Variants in AVEN observed in about 807,000 individuals in gnomAD.
The protein encoded by AVEN is cell death regulator Aven.
AVEN carries 41 observed loss-of-function variants against 38.1 expected under a neutral mutation model. The ratio of observed to expected loss-of-function variants is 1.08; its 90% CI spans 0.84 to 1.40. AVEN has a LOEUF of 1.40. AVEN is among the 40% of genes most tolerant of loss of function. The pLI is 0.00. For synonymous variants in AVEN, 206 were observed against 171.8 expected (o/e 1.20, Z -1.56); for missense variants, 605 against 438.8 (o/e 1.38, Z -3.38).
At chr15:33,892,683 G>C (rs1331696965) in intron 2 of AVEN, among the ~76,000 whole-genome samples, 1 of 151,984 alleles carries the variant, frequency 6.6e-6, no homozygotes. Context: ...TTTTTACTTA[G>C]AATTGTCTTG....
intron 5 of AVEN, among the ~76,000 whole-genome samples, chr15:34,048,043 G>C (rs1899781464): frequency 7.4e-6 from 1 of 134,482 alleles, no homozygotes; most frequent in Non-Finnish European, 1.5e-5. Context: ...GTGTTTGTGT[G>C]TGTGTGTGTT....
intron 1 of AVEN, among the ~76,000 whole-genome samples, chr15:34,029,769 T>C (rs1898683318): frequency 6.6e-6 from 1 of 152,184 alleles, no homozygotes; most frequent in African/African-American, 2.4e-5. Context: ...TGAAGTGTAA[T>C]GTATCTGTAA....
downstream of AVEN, chr15:33,864,278 C>CATGGCCCCATTAATCCCGTGA (rs1287052702): frequency 2.5e-4 from 249 of 988,826 alleles, no homozygotes; most frequent in Middle Eastern, 1.5e-3. Flanking sequence ...GAAATACATA[C>CATGGCCCCATTAATCCCGTGA]ATGGCCCCAT....
At chr15:33,858,885 C>T (rs1294881971) in exon 12 of AVEN, 1 of 152,456 alleles carries the variant, frequency 6.6e-6, no homozygotes, top group Non-Finnish European at 1.5e-5. Flanking sequence ...TGACGAAAAA[C>T]TCTCCATGTG....
At chr15:33,879,402 T>C (rs1891387433) in intron 2 of AVEN, among the ~76,000 whole-genome samples, 1 of 80,394 alleles carries the variant, frequency 1.2e-5, no homozygotes, top group Non-Finnish European at 2.3e-5. Flanking sequence ...GGGACTGTTG[T>C]GGGGTGGGGG....
At chr15:33,963,934 G>A (rs1018727128) in intron 2 of AVEN, among the ~76,000 whole-genome samples, 2 of 151,884 alleles carry the variant, frequency 1.3e-5, no homozygotes, top group African/African-American at 4.8e-5. Flanking sequence ...GAATGATCTC[G>A]CTACAGAGAG....
At chr15:33,938,450 G>A (rs551210347) in intron 2 of AVEN, among the ~76,000 whole-genome samples, 103 of 151,742 alleles carry the variant, frequency 6.8e-4, no homozygotes, top group African/African-American at 2.2e-3. Flanking sequence ...GCAAGACTCC[G>A]TCTTGAAAAA....
chr15:34,000,539 A>G (rs1897098503), intron 2 of AVEN, among the ~76,000 whole-genome samples: 1 of 152,194 alleles, frequency 6.6e-6, no homozygotes, highest in Non-Finnish European at 1.5e-5. Flanking sequence ...GGAACCAACA[A>G]TATTTTTTCT....
intron 1 of AVEN, among the ~76,000 whole-genome samples, chr15:34,030,407 G>A (rs570104642): frequency 1.2e-4 from 18 of 151,522 alleles, no homozygotes; most frequent in South Asian, 8.4e-4. Context: ...GTGCAGTGGC[G>A]CAATCTCGCT....
intron 1 of AVEN, among the ~76,000 whole-genome samples, chr15:34,014,854 C>CTTTT (rs986980115): frequency 1.3e-5 from 2 of 152,156 alleles, no homozygotes. Flanking sequence ...CCAGACAAAA[C>CTTTT]TCCACTCTGA....
chr15:34,000,999 G>A lies in AVEN; in HGVS notation c.445+2033C>T, dbSNP rs868575532. Among the ~76,000 whole-genome samples, 13 of 151,568 alleles carry A rather than the reference G, an allele frequency of 8.6e-5. 1 individual carries two copies. The South Asian group carries it at 1.9e-3, about 22-fold the overall frequency. On this transcript the variant is annotated intron_variant, in intron 2 of 5. Transcript: ENST00000306730. ...ACCAAAATCATAAACCAGAGGACAGGCCTGCTAGGTTGGACTAGAATTTTT... is the reference window on the plus strand; with the variant it reads ...ACCAAAATCATAAACCAGAGGACAGACCTGCTAGGTTGGACTAGAATTTTT...
intron 2 of AVEN, among the ~76,000 whole-genome samples, chr15:33,985,618 C>A (rs1896403009): frequency 6.6e-6 from 1 of 151,974 alleles, no homozygotes; most frequent in Non-Finnish European, 1.5e-5. Context: ...GCTCTCCCAA[C>A]AATATTCTGA....
intron 2 of AVEN, among the ~76,000 whole-genome samples, chr15:33,943,445 G>A (rs1894391314): frequency 6.6e-6 from 1 of 152,176 alleles, no homozygotes; most frequent in Non-Finnish European, 1.5e-5. Flanking sequence ...GGCTGTCAGG[G>A]GCTGGGAGGG....
chr15:34,027,302 G>T (rs148672277), intron 1 of AVEN, among the ~76,000 whole-genome samples: 1 of 152,062 alleles, frequency 6.6e-6, no homozygotes, highest in East Asian at 1.9e-4. Flanking sequence ...ATCACCTGAG[G>T]TCAGGAGTTC....
intron 2 of AVEN, among the ~76,000 whole-genome samples, chr15:33,877,353 G>T (rs1394399105): frequency 6.6e-6 from 1 of 152,118 alleles, no homozygotes; most frequent in African/African-American, 2.4e-5. Flanking sequence ...GAATTAAAAG[G>T]CATCAACACT....
intron 1 of AVEN, among the ~76,000 whole-genome samples, chr15:34,007,822 A>G (rs370233270): frequency 8.6e-4 from 131 of 152,230 alleles, no homozygotes; most frequent in African/African-American, 3.0e-3. Flanking sequence ...TCTGAGGGAG[A>G]ATCTATTCCA....
chr15:34,010,109 A>T (rs978956765), intron 1 of AVEN, among the ~76,000 whole-genome samples: 5 of 152,222 alleles, frequency 3.3e-5, no homozygotes, highest in Non-Finnish European at 7.3e-5. Context: ...TCAAGCCCCT[A>T]CCTTTAATAT....
chr15:33,895,040 T>C (rs941903171), intron 2 of AVEN, among the ~76,000 whole-genome samples: 2 of 151,908 alleles, frequency 1.3e-5, no homozygotes, highest in Non-Finnish European at 2.9e-5. Flanking sequence ...GTTCTTTTAT[T>C]GAAAGAACGT....
intron 2 of AVEN, among the ~76,000 whole-genome samples, chr15:33,906,069 C>T (rs1264271608): frequency 6.6e-6 from 1 of 152,032 alleles, no homozygotes; most frequent in East Asian, 1.9e-4. Context: ...ACATCATTGC[C>T]CTACTAAAAA....
Sources: allele counts gnomAD v4.1 joint callset (sites outside exome capture counted in the v4.1 genomes callset), GRCh38; gene constraint gnomAD v4.1.1; transcripts MANE v1.5; gene names NCBI Gene and HGNC (gene_info 2026-07-23, HGNC 2026-07-21).